Variants in L3MBTL4 observed in about 807,000 individuals in gnomAD.
L3MBTL4 encodes the protein lethal(3)malignant brain tumor-like protein 4.
In L3MBTL4, 70 loss-of-function variants were observed where a neutral mutation model predicts 84.5. The observed-to-expected ratio is 0.83, with a 90% CI of 0.68 to 1.01. The LOEUF (loss-of-function observed/expected upper bound fraction) is 1.01. Among genes scored for constraint, L3MBTL4 ranks in the 50% least tolerant of loss-of-function variants. The probability of loss-of-function intolerance (pLI) is 0.00; values close to 1 mark genes in which losing one functional copy is unlikely to be tolerated. For missense variants in L3MBTL4, 715 were observed against 754.8 expected (o/e 0.95, Z 0.62); for synonymous variants, 274 against 259.8 (o/e 1.05, Z -0.52).
intron 10 of L3MBTL4, among the ~76,000 whole-genome samples, chr18:6,235,393 C>T (rs1227722186): frequency 2.0e-5 from 3 of 152,092 alleles, no homozygotes; most frequent in African/African-American, 7.2e-5. Context: ...CTTACAGTGG[C>T]ATTTCTAATA....
chr18:5,985,548 C>T (rs2053428110), intron 16 of L3MBTL4, among the ~76,000 whole-genome samples: 1 of 152,186 alleles, frequency 6.6e-6, no homozygotes, highest in South Asian at 2.1e-4. Flanking sequence ...GAAGGTAGCA[C>T]AGTCAGGACT....
At chr18:6,092,459 T>C (rs867383569) in intron 15 of L3MBTL4, among the ~76,000 whole-genome samples, 3 of 152,326 alleles carry the variant, frequency 2.0e-5, no homozygotes, top group African/African-American at 7.2e-5. Flanking sequence ...ACCTGCTGAA[T>C]GCAAAGAGCA....
At chr18:6,207,719 T>G (rs763171369) in intron 12 of L3MBTL4, among the ~76,000 whole-genome samples, 1 of 152,196 alleles carries the variant, frequency 6.6e-6, no homozygotes, top group African/African-American at 2.4e-5. Flanking sequence ...ACTGTGACAC[T>G]GTGATGACCA....
intron 1 of L3MBTL4, among the ~76,000 whole-genome samples, chr18:6,320,075 A>C (rs1250891969): frequency 6.6e-6 from 1 of 151,926 alleles, no homozygotes; most frequent in Non-Finnish European, 1.5e-5. Flanking sequence ...AGAAAAAATA[A>C]ATTATAAAAA....
At chr18:6,269,217 C>CT (rs1451071266) in intron 4 of L3MBTL4, among the ~76,000 whole-genome samples, 3 of 152,152 alleles carry the variant, frequency 2.0e-5, no homozygotes, top group Non-Finnish European at 4.4e-5. Context: ...AATCCCAGCA[C>CT]TTGGGAGGCT....
Position 6,405,713 on chromosome 18 carries a change from G to C in L3MBTL4, c.-91+9088C>G, listed in dbSNP as rs180957363. 9.4e-5 allele frequency among the ~76,000 whole-genome samples: 13 copies of C among 138,576 alleles called. No homozygotes were observed. In the East Asian group the frequency reaches 2.5e-3, roughly 27 times the overall value. 90.9% of individuals were successfully genotyped at this position (138,576 alleles called of 152,430 possible). A position where few individuals can be genotyped will look rare whatever the true frequency, so the allele number is the denominator to read the frequency against. ...TTCCAGCCCCTCCCAGTGCCACTGT[G>C]AATAGTAAGGCATTTCTAAGGAGAG... On this transcript the variant is annotated intron_variant, in intron 1 of 18. Transcript: ENST00000317931.
At chr18:6,280,667 G>T (rs1012606277) in intron 4 of L3MBTL4, among the ~76,000 whole-genome samples, 1 of 152,196 alleles carries the variant, frequency 6.6e-6, no homozygotes, top group Admixed American at 6.5e-5. Flanking sequence ...TTGCAGAGGT[G>T]GTTAAGCTAA....
chr18:6,087,066 T>C (rs1242039900), intron 15 of L3MBTL4, among the ~76,000 whole-genome samples: 1 of 152,230 alleles, frequency 6.6e-6, no homozygotes, highest in Non-Finnish European at 1.5e-5. Context: ...AAAAGCTTGA[T>C]AAGAACAAGG....
chr18:6,074,511 T>C (rs1237504601), intron 16 of L3MBTL4, among the ~76,000 whole-genome samples: 1 of 152,234 alleles, frequency 6.6e-6, no homozygotes, highest in East Asian at 1.9e-4. Context: ...GGTAATGTTA[T>C]TGGTCACTGA....
At chr18:6,165,533 T>G (rs1378821635) in intron 13 of L3MBTL4, among the ~76,000 whole-genome samples, 1 of 148,794 alleles carries the variant, frequency 6.7e-6, no homozygotes, top group African/African-American at 2.6e-5. Flanking sequence ...TATTCAACAT[T>G]CTTAAAAAAA....
At chr18:6,380,831 G>A (rs150514050) in intron 1 of L3MBTL4, among the ~76,000 whole-genome samples, 5,045 of 152,170 alleles carry the variant, frequency 0.033, 303 homozygotes, top group African/African-American at 0.11. Flanking sequence ...TGTCTATTAG[G>A]TCCACTTGGT....
intron 9 of L3MBTL4, among the ~76,000 whole-genome samples, chr18:6,238,975 C>A (rs1257206288): frequency 6.6e-6 from 1 of 151,818 alleles, no homozygotes; most frequent in Non-Finnish European, 1.5e-5. Flanking sequence ...TGCATGGTAG[C>A]ATACATTTTC....
At chr18:6,169,840 T>A (rs2145175163) in intron 13 of L3MBTL4, among the ~76,000 whole-genome samples, 1 of 151,546 alleles carries the variant, frequency 6.6e-6, no homozygotes, top group East Asian at 1.9e-4. Context: ...ATAATAATAA[T>A]AATAAAAGAA....
intron 10 of L3MBTL4, among the ~76,000 whole-genome samples, chr18:6,226,704 CAT>C (rs2046798913): frequency 6.6e-6 from 1 of 152,022 alleles, no homozygotes; most frequent in African/African-American, 2.4e-5. Context: ...ATAGGTATAT[CAT>C]AAACTGTAGA....
chr18:6,413,450 C>G (rs777554997), intron 1 of L3MBTL4, among the ~76,000 whole-genome samples: 14 of 152,212 alleles, frequency 9.2e-5, no homozygotes, highest in Non-Finnish European at 1.9e-4. Context: ...CCTCTTTCAA[C>G]CGTTTCTCCT....
At chr18:6,262,655 T>TC (rs1235261236) in intron 5 of L3MBTL4, among the ~76,000 whole-genome samples, 1 of 152,158 alleles carries the variant, frequency 6.6e-6, no homozygotes, top group African/African-American at 2.4e-5. Context: ...CGCTGTGCTC[T>TC]CCAAAGCTCA....
chr18:6,161,462 C>A (rs2043334602), intron 13 of L3MBTL4, among the ~76,000 whole-genome samples: 1 of 152,206 alleles, frequency 6.6e-6, no homozygotes, highest in Admixed American at 6.5e-5. Context: ...AAATTTACTG[C>A]ACAAGTATTT....
rs917218200 is a variant in L3MBTL4, at chr18:6,222,233, A to AT, written c.785-6399dup. Among the ~76,000 whole-genome samples the AT allele has an allele frequency of 2.6e-5, 4 of 152,186 alleles. No individual in the cohort carries two copies. In the East Asian group the frequency reaches 7.7e-4, roughly 29 times the overall value. On this transcript the variant is annotated intron_variant, in intron 10 of 18. Transcript: ENST00000317931. The stretch of plus-strand genomic sequence containing the variant: ...TCTAACATTTACAGCAGTACGTCAG[A>AT]TTTTTTACTTGATCATTAATTAGTT...
chr18:6,313,446 G>A (rs1001834429), intron 1 of L3MBTL4, among the ~76,000 whole-genome samples: 1 of 152,042 alleles, frequency 6.6e-6, no homozygotes, highest in African/African-American at 2.4e-5. Flanking sequence ...ATATCCTTTT[G>A]CTTCTAGTCA....
Sources: gnomAD v4.1 joint callset for allele counts (sites outside exome capture counted in the v4.1 genomes callset) on GRCh38, gnomAD v4.1.1 for gene constraint, MANE v1.5 for transcripts, NCBI Gene and HGNC (gene_info 2026-07-23, HGNC 2026-07-21) for gene names.